The following KCNJ6 variants were observed in gnomAD, a reference collection of about 807,000 sequenced individuals.
KCNJ6 encodes the protein G protein-activated inward rectifier potassium channel 2.
Under a neutral mutation model 34.2 loss-of-function variants are expected in KCNJ6, and 9 were observed. That is an observed-to-expected ratio of 0.26 (90% CI 0.16 to 0.46). KCNJ6 has a LOEUF of 0.46. Ranked by LOEUF, KCNJ6 falls within the 20% of genes least tolerant of loss-of-function variation. The pLI is 1.00. For synonymous variants in KCNJ6, 196 were observed against 207.1 expected (o/e 0.95, Z 0.46); for missense variants, 236 against 531.3 (o/e 0.44, Z 5.46).
intron 1 of KCNJ6, among the ~76,000 whole-genome samples, chr21:37,895,310 G>A (rs552434778): frequency 3.9e-5 from 6 of 152,264 alleles, no homozygotes; most frequent in Non-Finnish European, 5.9e-5. Flanking sequence ...AAATGTGAAG[G>A]GCTTAGAAAC....
intron 3 of KCNJ6, among the ~76,000 whole-genome samples, chr21:37,629,168 A>G (rs944957670): frequency 6.6e-6 from 1 of 152,222 alleles, no homozygotes; most frequent in Non-Finnish European, 1.5e-5. Context: ...ACACTGGAAA[A>G]AGTAACTACA....
intron 3 of KCNJ6, among the ~76,000 whole-genome samples, chr21:37,713,792 A>G (rs149700644): frequency 6.6e-6 from 1 of 152,300 alleles, no homozygotes; most frequent in East Asian, 1.9e-4. Context: ...GTGAAATTGC[A>G]TTTTTATTAA....
chr21:37,762,351 G>A (rs1295231156), intron 2 of KCNJ6, among the ~76,000 whole-genome samples: 2 of 152,176 alleles, frequency 1.3e-5, no homozygotes, highest in Non-Finnish European at 2.9e-5. Context: ...CTAAGTTACA[G>A]CCCTTTAGAG....
chr21:37,780,579 G>T (rs1186521303), intron 2 of KCNJ6, among the ~76,000 whole-genome samples: 1 of 152,180 alleles, frequency 6.6e-6, no homozygotes, highest in East Asian at 1.9e-4. Flanking sequence ...TGTATGTGGT[G>T]GGGGTGGGGG....
At chr21:37,874,053 C>T (rs1304805277) in intron 1 of KCNJ6, among the ~76,000 whole-genome samples, 2 of 152,178 alleles carry the variant, frequency 1.3e-5, no homozygotes, top group Non-Finnish European at 1.5e-5. Flanking sequence ...ACTTGCTTTT[C>T]CCATTTCCTC....
At chr21:37,902,745 T>A (rs2055823058) in intron 1 of KCNJ6, among the ~76,000 whole-genome samples, 1 of 152,152 alleles carries the variant, frequency 6.6e-6, no homozygotes, top group Non-Finnish European at 1.5e-5. Context: ...ACAGTGCCCA[T>A]GGTGAGAAGA....
In KCNJ6 at chr21:37,695,060, T is replaced by C. The variant is rs980061179; in HGVS notation, c.946+19151A>G. On this transcript the variant is annotated intron_variant, in intron 3 of 3. Coordinates refer to ENST00000609713, the MANE Select transcript of KCNJ6 (RefSeq NM_002240.5). The surrounding 1 kb of genome is among the most constrained non-coding windows in gnomAD (Gnocchi z 4.2). The stretch of plus-strand genomic sequence containing the variant: ...TTATGGCAGCCTGAGCTGACTAATA[T>C]ACACAGCATATAACACAGCCAATTT... Among the ~76,000 whole-genome samples the C allele has an allele frequency of 1.3e-5, 2 of 152,174 alleles. No individual in the cohort carries two copies. The highest frequency in any genetic ancestry group is 2.9e-5 in the Non-Finnish European group (2 of 68,034).
At chr21:37,894,757 G>A (rs2836039) in intron 1 of KCNJ6, among the ~76,000 whole-genome samples, 30,537 of 151,972 alleles carry the variant, frequency 0.2, 3,992 homozygotes, top group East Asian at 0.56. Flanking sequence ...TACTTTTGAC[G>A]CTGCTTTTAG....
At chr21:37,734,834 G>GGGAAAGCAC (rs2054904380) in intron 2 of KCNJ6, among the ~76,000 whole-genome samples, 1 of 152,122 alleles carries the variant, frequency 6.6e-6, no homozygotes, top group Non-Finnish European at 1.5e-5. Context: ...TCCTATGATT[G>GGGAAAGCAC]ATATATATAA....
intron 3 of KCNJ6, among the ~76,000 whole-genome samples, chr21:37,698,897 C>A (rs2054676343): frequency 6.6e-6 from 1 of 152,052 alleles, no homozygotes; most frequent in South Asian, 2.1e-4. Context: ...TGGGGTTTCA[C>A]CATCTTGGCC....
chr21:37,831,979 T>G (rs2055428318), intron 2 of KCNJ6, among the ~76,000 whole-genome samples: 1 of 152,044 alleles, frequency 6.6e-6, no homozygotes, highest in Admixed American at 6.5e-5. Flanking sequence ...CTGAGGGGGA[T>G]GGAGTCCCTG....
intron 3 of KCNJ6, among the ~76,000 whole-genome samples, chr21:37,648,013 T>C (rs1366251571): frequency 6.6e-6 from 1 of 152,238 alleles, no homozygotes; most frequent in Non-Finnish European, 1.5e-5. Context: ...GTCATGCCTG[T>C]GATCCGTGAC....
intron 1 of KCNJ6, among the ~76,000 whole-genome samples, chr21:37,871,284 T>A (rs1386558643): frequency 6.6e-6 from 1 of 152,176 alleles, no homozygotes; most frequent in African/African-American, 2.4e-5. Flanking sequence ...TGAACATGTG[T>A]TGTGTCCACT....
At chr21:37,814,396 G>A (rs1288099322) in intron 2 of KCNJ6, among the ~76,000 whole-genome samples, 2 of 152,100 alleles carry the variant, frequency 1.3e-5, no homozygotes, top group Non-Finnish European at 2.9e-5. Flanking sequence ...TAAAAATTGG[G>A]CTACCATATG....
chr21:37,705,588 C>T (rs2054715432), intron 3 of KCNJ6, among the ~76,000 whole-genome samples: 1 of 152,130 alleles, frequency 6.6e-6, no homozygotes, highest in African/African-American at 2.4e-5. Flanking sequence ...GCATGATTAT[C>T]TCGTGGAATC....
At chr21:37,643,983 A>G (rs1297959591) in intron 3 of KCNJ6, among the ~76,000 whole-genome samples, 1 of 152,240 alleles carries the variant, frequency 6.6e-6, no homozygotes, top group Non-Finnish European at 1.5e-5. Flanking sequence ...CTAAATGCCT[A>G]TCAATTGTGG....
chr21:37,893,019 A>AT (rs1340384030), intron 1 of KCNJ6, among the ~76,000 whole-genome samples: 8 of 149,470 alleles, frequency 5.4e-5, no homozygotes, highest in Admixed American at 3.3e-4. Flanking sequence ...AGGCCAGCTA[A>AT]TTTTTTTTGT....
chr21:37,754,924 G>T (rs1297562823), intron 2 of KCNJ6, among the ~76,000 whole-genome samples: 1 of 152,198 alleles, frequency 6.6e-6, no homozygotes, highest in Non-Finnish European at 1.5e-5. Flanking sequence ...CAGCTGGACA[G>T]AAAGCCGGAG....
At chr21:37,877,182 A>G (rs1036283627) in intron 1 of KCNJ6, among the ~76,000 whole-genome samples, 3 of 152,302 alleles carry the variant, frequency 2.0e-5, no homozygotes, top group East Asian at 3.9e-4. Context: ...GGGAAATAGC[A>G]AACTCTGATT....
Sources: gnomAD v4.1 joint callset for allele counts (sites outside exome capture counted in the v4.1 genomes callset) on GRCh38, gnomAD v4.1.1 for gene constraint, Gnocchi (gnomAD v3.1) non-coding constraint, MANE v1.5 for transcripts, NCBI Gene and HGNC (gene_info 2026-07-23, HGNC 2026-07-21) for gene names.